SNX29: variants seen among roughly 807,000 people sequenced by gnomAD.
SNX29 encodes sorting nexin-29.
In SNX29, 78 loss-of-function variants were observed where a neutral mutation model predicts 102.1. The observed-to-expected ratio is 0.76, with a 90% CI of 0.64 to 0.92. The LOEUF (loss-of-function observed/expected upper bound fraction) is 0.92. SNX29 is among the 40% of genes least tolerant of loss of function. SNX29 has a pLI of 0.00. For missense variants in SNX29, 1,280 were observed against 1,061.7 expected (o/e 1.21, Z -2.86); for synonymous variants, 580 against 414.5 (o/e 1.40, Z -4.85).
At chr16:12,348,709 T>G (rs1046420731) in intron 15 of SNX29, among the ~76,000 whole-genome samples, 8 of 152,180 alleles carry the variant, frequency 5.3e-5, no homozygotes. Context: ...GAGAGGAGTG[T>G]GGCCACAAAC....
At chr16:12,542,024 T>A (rs1342001058) in intron 20 of SNX29, among the ~76,000 whole-genome samples, 1 of 152,058 alleles carries the variant, frequency 6.6e-6, no homozygotes, top group Non-Finnish European at 1.5e-5. Flanking sequence ...ACCGCTCTGT[T>A]TTTTCTTTTT....
Position 12,571,764 on chromosome 16 carries a change from G to C in SNX29, c.*3135G>C. 2 of 1,013,632 alleles carry C rather than the reference G, an allele frequency of 2.0e-6. No homozygotes were observed. The highest frequency in any genetic ancestry group is 2.4e-6 in the Non-Finnish European group (2 of 833,242). 62.8% of individuals were successfully genotyped at this position (1,013,632 alleles called of 1,614,324 possible). ...TAGCCCAACCATCCACTCCTGATCTGAGACAGAACCTTCTCCGCCACTCTT... is the reference window on the plus strand; with the variant it reads ...TAGCCCAACCATCCACTCCTGATCTCAGACAGAACCTTCTCCGCCACTCTT... On this transcript the variant is annotated 3_prime_UTR_variant, in exon 21 of 21. Coordinates refer to ENST00000566228, the MANE Select transcript of SNX29 (RefSeq NM_032167.5).
chr16:12,089,131 GAGAGAGAGAGAGA>G (rs1347408617), intron 11 of SNX29, among the ~76,000 whole-genome samples: 89 of 150,742 alleles, frequency 5.9e-4, no homozygotes, highest in African/African-American at 1.6e-3. Flanking sequence ...AGAGAAAAGA[GAGAGAGAGAGAGA>G]AAAGAGAAAG....
intron 14 of SNX29, among the ~76,000 whole-genome samples, chr16:12,257,723 T>A (rs1705479536): frequency 6.6e-6 from 1 of 151,554 alleles, no homozygotes; most frequent in South Asian, 2.1e-4. Flanking sequence ...CATCAGGGTT[T>A]CTCTGCATTG....
intron 20 of SNX29, among the ~76,000 whole-genome samples, chr16:12,553,217 G>A (rs12928279): frequency 0.24 from 36,269 of 152,042 alleles, 4,840 homozygotes; most frequent in East Asian, 0.62. Context: ...AGCCATGCTC[G>A]CAGATGGGGA....
intron 11 of SNX29, among the ~76,000 whole-genome samples, chr16:12,116,116 T>C (rs1172536424): frequency 6.6e-6 from 1 of 152,202 alleles, no homozygotes. Flanking sequence ...TTTGAAAAAC[T>C]CTCTCTCCTA....
intron 14 of SNX29, 99 bp from the exon 15 acceptor site, chr16:12,277,834 C>G: frequency 2.0e-6 from 2 of 977,762 alleles, no homozygotes; most frequent in Non-Finnish European, 3.1e-6. Flanking sequence ...CTTTTTCAGT[C>G]TGAAGTCATC....
At chr16:12,469,645 C>G (rs1055430810) in intron 18 of SNX29, among the ~76,000 whole-genome samples, 8 of 152,144 alleles carry the variant, frequency 5.3e-5, no homozygotes, top group South Asian at 2.1e-4. Flanking sequence ...GGTGCTAGTT[C>G]CGCTGCTCAC....
intron 14 of SNX29, among the ~76,000 whole-genome samples, chr16:12,214,763 C>T (rs1289957746): frequency 6.6e-6 from 1 of 152,182 alleles, no homozygotes; most frequent in Non-Finnish European, 1.5e-5. Flanking sequence ...TGATGCCTGG[C>T]ACACCACACT....
intron 20 of SNX29, chr16:12,560,775 G>C (rs527480740): frequency 1.3e-4 from 22 of 175,448 alleles, no homozygotes; most frequent in African/African-American, 5.2e-4. Flanking sequence ...TACCCTCTGT[G>C]CTTTATTTTC....
intron 19 of SNX29, among the ~76,000 whole-genome samples, chr16:12,501,499 A>G (rs982901892): frequency 3.3e-5 from 5 of 152,146 alleles, no homozygotes; most frequent in South Asian, 4.1e-4. Context: ...AGGTGAGTGG[A>G]TCACCTGAGG....
In SNX29 at chr16:12,522,257, C is replaced by A. The variant is rs566464408; in HGVS notation, c.2179-2445C>A. Among the ~76,000 whole-genome samples, 6 of 152,264 alleles carry A rather than the reference C, an allele frequency of 3.9e-5. No individual in the cohort carries two copies. The South Asian group carries it at 8.3e-4, about 21-fold the overall frequency. On this transcript the variant is annotated intron_variant, in intron 19 of 20. Transcript: ENST00000566228. ...ACATACTTTTTGCTGAAAAATTGTT[C>A]ATTGTTTATTTGAAGTTCAAATTTC...
chr16:12,293,038 T>C (rs566106797), intron 15 of SNX29, among the ~76,000 whole-genome samples: 23 of 152,366 alleles, frequency 1.5e-4, no homozygotes, highest in African/African-American at 5.5e-4. Flanking sequence ...ATTAATATAA[T>C]TGACACCATT....
At position 12,340,234 on chromosome 16, in the gene SNX29, G is replaced by A. The variant is rs117538910; in HGVS notation, c.1783-15929G>A. ...AAACTAACTAGAATGGAATGCAGCT[G>A]TAGAAATCCTGGTTAATTTCTCAGA... On this transcript the variant is annotated intron_variant, in intron 15 of 20. Coordinates refer to ENST00000566228, the MANE Select transcript of SNX29 (RefSeq NM_032167.5). Among the ~76,000 whole-genome samples, 1,089 of 152,320 alleles carry A rather than the reference G, an allele frequency of 7.1e-3. 25 individuals carry two copies. The highest frequency in any genetic ancestry group is 0.044 in the Admixed American group (673 of 15,296).
intron 18 of SNX29, among the ~76,000 whole-genome samples, chr16:12,431,997 G>T: frequency 6.6e-6 from 1 of 152,254 alleles, no homozygotes; most frequent in South Asian, 2.1e-4. Flanking sequence ...TAAGATGGCT[G>T]CTCCCAAGGA....
chr16:12,546,965 C>T (rs139684838), intron 20 of SNX29, among the ~76,000 whole-genome samples: 1 of 152,232 alleles, frequency 6.6e-6, no homozygotes, highest in African/African-American at 2.4e-5. Context: ...CCTCCATCCA[C>T]CCATTCCTCC....
intron 14 of SNX29, among the ~76,000 whole-genome samples, chr16:12,264,582 G>C (rs918364264): frequency 1.3e-5 from 2 of 152,208 alleles, no homozygotes; most frequent in African/African-American, 4.8e-5. Flanking sequence ...AGGAGCTTGA[G>C]ACGAGCCTGG....
intron 14 of SNX29, among the ~76,000 whole-genome samples, chr16:12,211,034 G>A (rs2077170518): frequency 6.6e-6 from 1 of 152,114 alleles, no homozygotes; most frequent in Non-Finnish European, 1.5e-5. Context: ...GGCTTCATAA[G>A]CTGTTTTTCC....
intron 3 of SNX29, among the ~76,000 whole-genome samples, chr16:12,019,441 G>A (rs1291394469): frequency 6.6e-6 from 1 of 151,914 alleles, no homozygotes; most frequent in African/African-American, 2.4e-5. Flanking sequence ...TCTTGACCTC[G>A]TGATCTGCCC....
Sources: allele counts gnomAD v4.1 joint callset (sites outside exome capture counted in the v4.1 genomes callset), GRCh38; gene constraint gnomAD v4.1.1; transcripts MANE v1.5; gene names NCBI Gene and HGNC (gene_info 2026-07-23, HGNC 2026-07-21).